Variants in SPIN1 observed in about 807,000 individuals in gnomAD.
The protein encoded by SPIN1 is spindlin 1.
In SPIN1, 3 loss-of-function variants were observed where a neutral mutation model predicts 26.0. The observed-to-expected ratio is 0.12, with a 90% CI of 0.05 to 0.30. The LOEUF (loss-of-function observed/expected upper bound fraction) is 0.30, where lower values mean the gene tolerates loss of function less well. Ranked by LOEUF, SPIN1 falls within the 10% of genes least tolerant of loss-of-function variation. The probability of loss-of-function intolerance (pLI) is 1.00; values close to 1 mark genes in which losing one functional copy is unlikely to be tolerated. For synonymous variants in SPIN1, 101 were observed against 116.5 expected (o/e 0.87, Z 0.86); for missense variants, 126 against 333.4 (o/e 0.38, Z 4.84).
chr9:88,455,857 C>T (rs1047717820), intron 3 of SPIN1, among the ~76,000 whole-genome samples: 2 of 152,106 alleles, frequency 1.3e-5, no homozygotes, highest in African/African-American at 4.8e-5. Flanking sequence ...GGCACCCTTA[C>T]GTAGTTCCAG....
chr9:88,458,444 G>A (rs2118173586), intron 3 of SPIN1, among the ~76,000 whole-genome samples: 1 of 152,328 alleles, frequency 6.6e-6, no homozygotes, highest in East Asian at 1.9e-4. Context: ...ATGCTCAAGA[G>A]GGAGGAGACC....
intron 2 of SPIN1, among the ~76,000 whole-genome samples, chr9:88,431,478 C>T (rs567799369): frequency 7.3e-5 from 11 of 151,716 alleles, no homozygotes; most frequent in East Asian, 5.9e-4. Flanking sequence ...TTAGTAGAGA[C>T]GGGGTTTCTC....
At chr9:88,460,486 T>A (rs1828557972) in intron 3 of SPIN1, among the ~76,000 whole-genome samples, 1 of 152,194 alleles carries the variant, frequency 6.6e-6, no homozygotes, top group African/African-American at 2.4e-5. Flanking sequence ...ATAGATAAAA[T>A]ATGAAGGAGA....
Position 88,440,447 on chromosome 9 carries a change from C to T in SPIN1, c.53-8494C>T, listed in dbSNP as rs528755350. 5.3e-5 allele frequency among the ~76,000 whole-genome samples: 8 copies of T among 152,172 alleles called. No homozygotes were observed. In the East Asian group the frequency reaches 1.4e-3, roughly 26 times the overall value. On this transcript the variant is annotated intron_variant, in intron 2 of 5. Coordinates refer to ENST00000375859, the MANE Select transcript of SPIN1 (RefSeq NM_006717.3). Reference sequence around the variant, plus strand: ...GTGCTGGGATTACGGGCGTGAGCCCCGTGCCCAGCCAGTTAAGTTTTTAAA... The same window carrying T: ...GTGCTGGGATTACGGGCGTGAGCCCTGTGCCCAGCCAGTTAAGTTTTTAAA...
chr9:88,398,865 C>G (rs776710300), intron 1 of SPIN1, among the ~76,000 whole-genome samples: 2 of 152,002 alleles, frequency 1.3e-5, no homozygotes, highest in African/African-American at 4.8e-5. Flanking sequence ...CCGTGCCCGG[C>G]CTTGTTGACT....
intron 2 of SPIN1, among the ~76,000 whole-genome samples, chr9:88,442,012 T>G (rs1828144210): frequency 1.3e-5 from 2 of 149,322 alleles, no homozygotes; most frequent in Non-Finnish European, 3.0e-5. Flanking sequence ...AGTGCAGTGA[T>G]GTGATGTCGG....
intron 1 of SPIN1, chr9:88,410,719 C>T: frequency 1.4e-6 from 2 of 1,420,348 alleles, no homozygotes; most frequent in African/African-American, 1.4e-5. Context: ...ATCATTGTAG[C>T]TTCCACCACC....
intron 1 of SPIN1, chr9:88,410,661 T>G (rs1053019004): frequency 1.6e-6 from 2 of 1,263,404 alleles, no homozygotes; most frequent in Non-Finnish European, 2.3e-6. Context: ...CAAAGTTTCC[T>G]TCCTTCGTGG....
intron 1 of SPIN1, among the ~76,000 whole-genome samples, chr9:88,417,030 T>G (rs1827580545): frequency 6.6e-6 from 1 of 152,264 alleles, no homozygotes; most frequent in Admixed American, 6.5e-5. Flanking sequence ...TCTACTGTTT[T>G]TTATTATTGA....
At chr9:88,412,249 G>A (rs1341283660) in intron 1 of SPIN1, among the ~76,000 whole-genome samples, 1 of 152,088 alleles carries the variant, frequency 6.6e-6, no homozygotes, top group East Asian at 1.9e-4. Flanking sequence ...CCTTGCTTCT[G>A]ATATGACAAG....
chr9:88,448,822 G>C, intron 2 of SPIN1, 119 bp from the exon 3 acceptor site: 1 of 751,818 alleles, frequency 1.3e-6, no homozygotes, highest in Non-Finnish European at 2.2e-6. Context: ...ATGTTTGCTG[G>C]TAGTGGTGTA....
At chr9:88,408,259 TAC>T (rs1366119287) in intron 1 of SPIN1, among the ~76,000 whole-genome samples, 1 of 144,754 alleles carries the variant, frequency 6.9e-6, no homozygotes, top group Non-Finnish European at 1.5e-5. Context: ...ATCCCCCCTT[TAC>T]CCCCTCCCCC....
At chr9:88,404,328 T>C (rs1827250561) in intron 1 of SPIN1, among the ~76,000 whole-genome samples, 1 of 152,194 alleles carries the variant, frequency 6.6e-6, no homozygotes, top group African/African-American at 2.4e-5. Flanking sequence ...TTTTCTTCAA[T>C]AATAACTTAA....
chr9:88,422,326 A>T (rs936852132), intron 1 of SPIN1, among the ~76,000 whole-genome samples: 3 of 152,168 alleles, frequency 2.0e-5, no homozygotes, highest in Non-Finnish European at 2.9e-5. Context: ...TGTTTCCTTC[A>T]GTTTTTTCCT....
intron 1 of SPIN1, chr9:88,411,595 C>T (rs1587780959): frequency 1.8e-6 from 1 of 554,846 alleles, no homozygotes; most frequent in East Asian, 2.9e-5. Context: ...CTTACTATAG[C>T]CTTGGCCTCC....
chr9:88,440,996 C>A (rs940162449), intron 2 of SPIN1, among the ~76,000 whole-genome samples: 1 of 151,562 alleles, frequency 6.6e-6, no homozygotes, highest in Non-Finnish European at 1.5e-5. Flanking sequence ...AGGGGTAGTG[C>A]CACGTACTTT....
At chr9:88,418,201 C>T (rs1018367632) in intron 1 of SPIN1, among the ~76,000 whole-genome samples, 1 of 152,188 alleles carries the variant, frequency 6.6e-6, no homozygotes, top group African/African-American at 2.4e-5. Context: ...AACCCTCTAA[C>T]CACTGGTGGG....
At chr9:88,450,443 C>T (rs1564037639) in intron 3 of SPIN1, among the ~76,000 whole-genome samples, 1 of 152,138 alleles carries the variant, frequency 6.6e-6, no homozygotes, top group East Asian at 1.9e-4. Context: ...AGTTCATTTA[C>T]TTAGGATTTC....
At chr9:88,451,097 T>C (rs941370864) in intron 3 of SPIN1, among the ~76,000 whole-genome samples, 12 of 148,270 alleles carry the variant, frequency 8.1e-5, no homozygotes, top group African/African-American at 3.1e-4. Context: ...ATGCAATTTT[T>C]ATGGAAACCA....
Sources: allele counts gnomAD v4.1 joint callset (sites outside exome capture counted in the v4.1 genomes callset), GRCh38; gene constraint gnomAD v4.1.1; transcripts MANE v1.5; gene names NCBI Gene and HGNC (gene_info 2026-07-23, HGNC 2026-07-21).